The following MAGI1 variants were observed in gnomAD, a reference collection of about 807,000 sequenced individuals.
The protein encoded by MAGI1 is membrane-associated guanylate kinase, WW and PDZ domain-containing protein 1.
A neutral mutation model predicts 139.9 loss-of-function variants in MAGI1; 58 were observed. The observed-to-expected ratio is 0.41, with a 90% CI of 0.34 to 0.52. The LOEUF is 0.52. MAGI1 is among the 20% of genes least tolerant of loss of function. The pLI, the probability that MAGI1 is intolerant of heterozygous loss-of-function variation, is 0.12. For synonymous variants in MAGI1, 812 were observed against 737.9 expected (o/e 1.10, Z -1.63); for missense variants, 1,874 against 1,901.6 (o/e 0.99, Z 0.27).
intron 1 of MAGI1, among the ~76,000 whole-genome samples, chr3:65,894,111 T>C (rs550770795): frequency 3.9e-5 from 6 of 152,202 alleles, no homozygotes; most frequent in African/African-American, 1.4e-4. Flanking sequence ...CACCCCTCCA[T>C]ACAAAAAGAA....
intron 18 of MAGI1, among the ~76,000 whole-genome samples, chr3:65,372,163 A>G (rs1329000393): frequency 6.6e-6 from 1 of 152,184 alleles, no homozygotes; most frequent in Non-Finnish European, 1.5e-5. Flanking sequence ...TACAAAATAC[A>G]TTTCTTAAAT....
chr3:65,434,231 G>C (rs1402040842), intron 10 of MAGI1, among the ~76,000 whole-genome samples: 1 of 152,152 alleles, frequency 6.6e-6, no homozygotes, highest in Admixed American at 6.5e-5. Context: ...TATAAATGGA[G>C]GTAATGATGA....
At chr3:65,517,388 T>C (rs1463148799) in intron 2 of MAGI1, among the ~76,000 whole-genome samples, 2 of 152,158 alleles carry the variant, frequency 1.3e-5, no homozygotes, top group Non-Finnish European at 2.9e-5. Flanking sequence ...TATCCTGCTT[T>C]ATCTTTCTCC....
chr3:65,530,553 G>T lies in MAGI1; in HGVS notation c.431-36922C>A, dbSNP rs1454411391. On this transcript the variant is annotated intron_variant, in intron 2 of 22. Coordinates refer to ENST00000402939, the MANE Select transcript of MAGI1 (RefSeq NM_001033057.2). ...GATTGCTTCAGCCCAGGAGGCAGAG[G>T]TTGCAATGAGCCAAGATTGCACACG... 4.0e-5 allele frequency among the ~76,000 whole-genome samples: 6 copies of T among 150,338 alleles called. No individual in the cohort carries two copies. In the East Asian group the frequency reaches 1.2e-3, roughly 30 times the overall value.
At chr3:65,836,631 C>T (rs1422923535) in intron 1 of MAGI1, among the ~76,000 whole-genome samples, 2 of 152,046 alleles carry the variant, frequency 1.3e-5, no homozygotes, top group Non-Finnish European at 2.9e-5. Flanking sequence ...CCAGCCTGGC[C>T]AGGATGGTGA....
At chr3:65,387,972 T>C (rs1943587230) in intron 14 of MAGI1, among the ~76,000 whole-genome samples, 1 of 152,244 alleles carries the variant, frequency 6.6e-6, no homozygotes, top group Non-Finnish European at 1.5e-5. Flanking sequence ...TAATTTCTTT[T>C]GTAGTAAATG....
chr3:65,703,190 G>C (rs192590323), intron 1 of MAGI1, among the ~76,000 whole-genome samples: 1 of 152,142 alleles, frequency 6.6e-6, no homozygotes, highest in Non-Finnish European at 1.5e-5. Context: ...CGTGCTTCCT[G>C]ACTACTGAAC....
At chr3:65,358,452 G>T (rs1203881482) in intron 22 of MAGI1, among the ~76,000 whole-genome samples, 1 of 152,074 alleles carries the variant, frequency 6.6e-6, no homozygotes, top group African/African-American at 2.4e-5. Context: ...ACCTAGAGTG[G>T]GTTTTTAACA....
At chr3:65,907,855 T>A (rs146683366) in intron 1 of MAGI1, among the ~76,000 whole-genome samples, 171 of 152,290 alleles carry the variant, frequency 1.1e-3, no homozygotes, top group African/African-American at 3.7e-3. Flanking sequence ...ACATTCTTGT[T>A]CCCAGTATCC....
chr3:65,359,084 T>C, intron 22 of MAGI1: 9 of 1,614,078 alleles, frequency 5.6e-6, no homozygotes, highest in African/African-American at 1.3e-5. Flanking sequence ...TTATGGCCCA[T>C]AAGGTAGAAG....
chr3:65,921,455 T>G lies in MAGI1; in HGVS notation c.313+116541A>C, dbSNP rs2062180944. On this transcript the variant is annotated intron_variant, in intron 1 of 22. Transcript: ENST00000402939. ...TCCCGAGTAGCTGGGACTACAGATA[T>G]GCGCCACCAGGCCTGGCTAATTTTT... 4.6e-5 allele frequency among the ~76,000 whole-genome samples: 7 copies of G among 152,000 alleles called. No individual in the cohort carries two copies. The South Asian group carries it at 8.3e-4, about 18-fold the overall frequency.
chr3:65,911,296 G>C (rs1460285266), intron 1 of MAGI1, among the ~76,000 whole-genome samples: 1 of 151,858 alleles, frequency 6.6e-6, no homozygotes, highest in Non-Finnish European at 1.5e-5. Context: ...TTGAACGTTT[G>C]TCCATGGAAT....
intron 1 of MAGI1, among the ~76,000 whole-genome samples, chr3:65,731,020 C>A (rs1040835218): frequency 2.0e-5 from 3 of 151,998 alleles, no homozygotes; most frequent in African/African-American, 7.2e-5. Context: ...ATCTTCTAGC[C>A]CCCAAATTTA....
intron 1 of MAGI1, among the ~76,000 whole-genome samples, chr3:65,697,031 A>G (rs1238394827): frequency 6.6e-6 from 1 of 152,256 alleles, no homozygotes; most frequent in Non-Finnish European, 1.5e-5. Context: ...ATGAAAAATG[A>G]TAAAGGGGAT....
chr3:65,387,169 T>G (rs768568989), intron 14 of MAGI1: 1 of 1,614,104 alleles, frequency 6.2e-7, no homozygotes, highest in Admixed American at 1.7e-5. Flanking sequence ...ATTCGTGGAA[T>G]TGATTTCTCT....
intron 1 of MAGI1, among the ~76,000 whole-genome samples, chr3:65,644,103 A>G (rs6782654): frequency 0.69 from 105,307 of 151,954 alleles, 37,928 homozygotes; most frequent in African/African-American, 0.89. Context: ...GGAAACCTAG[A>G]CTTCTACCCC....
chr3:66,007,219 G>A (rs1355137008), intron 1 of MAGI1, among the ~76,000 whole-genome samples: 14 of 152,128 alleles, frequency 9.2e-5, no homozygotes, highest in African/African-American at 2.2e-4. Flanking sequence ...GTCCCATGGC[G>A]CTCAAGAGGG....
Position 65,429,921 on chromosome 3 carries a change from T to A in MAGI1, c.1766A>T (p.Tyr589Phe). ...EPIIVNGQETYDSPASHSSKT... is the reference protein window; with the variant it reads ...EPIIVNGQETFDSPASHSSKT... ...ACTACTGTGGCTAGCTGGTGAATCA[T>A]AGGTCTCTTGCCCATTCACAATAAT... is the stretch of plus-strand genomic sequence containing the variant. Residue 589 changes from tyrosine (Y) to phenylalanine (F), a missense_variant, in exon 12 of 23, where the codon TAT becomes TTT. Coordinates refer to ENST00000402939, the MANE Select transcript of MAGI1 (RefSeq NM_001033057.2). The A allele has an allele frequency of 6.2e-7, 1 of 1,614,038 alleles. No homozygotes were observed. The highest frequency in any genetic ancestry group is 8.5e-7 in the Non-Finnish European group (1 of 1,179,962).
intron 2 of MAGI1, among the ~76,000 whole-genome samples, chr3:65,543,121 AGAC>A (rs2079325325): frequency 6.6e-6 from 1 of 152,252 alleles, no homozygotes; most frequent in African/African-American, 2.4e-5. Context: ...TCTCAAAAGA[AGAC>A]ATTTATGTGG....
Sources: gnomAD v4.1 joint callset for allele counts (sites outside exome capture counted in the v4.1 genomes callset) on GRCh38, gnomAD v4.1.1 for gene constraint, MANE v1.5 for transcripts, NCBI Gene and HGNC (gene_info 2026-07-23, HGNC 2026-07-21) for gene names.